TESK2: variants seen among roughly 807,000 people sequenced by gnomAD.
The protein encoded by TESK2 is testis associated actin remodelling kinase 2.
TESK2 carries 39 observed loss-of-function variants against 57.1 expected under a neutral mutation model. The observed-to-expected ratio is 0.68, with a 90% CI of 0.53 to 0.89. The LOEUF is 0.89. Ranked by LOEUF, TESK2 falls within the 40% of genes least tolerant of loss-of-function variation. TESK2 has a pLI of 0.00. For synonymous variants in TESK2, 249 were observed against 267.9 expected, an observed-to-expected ratio of 0.93 and a Z score of 0.69; for missense variants, 646 against 732.1, an observed-to-expected ratio of 0.88 and a Z score of 1.36.
chr1:45,384,980 C>A (rs1349421897), intron 4 of TESK2, among the ~76,000 whole-genome samples: 1 of 152,086 alleles, frequency 6.6e-6, no homozygotes, highest in African/African-American at 2.4e-5. Flanking sequence ...GCACATGGGA[C>A]CCTCTTTCAT....
intron 1 of TESK2, among the ~76,000 whole-genome samples, chr1:45,468,033 C>T (rs1242756590): frequency 1.3e-5 from 2 of 151,876 alleles, no homozygotes; most frequent in East Asian, 3.9e-4. Context: ...AAAATTAGCC[C>T]GGCATGGTGG....
At chr1:45,485,114 G>T (rs1480625212) in intron 1 of TESK2, among the ~76,000 whole-genome samples, 1 of 152,046 alleles carries the variant, frequency 6.6e-6, no homozygotes, top group East Asian at 1.9e-4. Context: ...ACTATTCAAA[G>T]TGTTTGGGAG....
rs187052582 is a variant in TESK2 at position 45,344,844 on chromosome 1, C to A, written c.1712G>T (p.Gly571Val). Reference protein sequence around the residue: ...IGLQTQGKQDG With the variant: ...IGLQTQGKQDV ...TGAGGCAGGGACTAAACCCCCTCAC[C>A]CATCCTGCTTTCCCTGGGTTTGCAG... The change falls in exon 11 of 11, where the codon GGG becomes GTG. Residue 571 changes from glycine (G) to valine (V), a missense_variant. By Grantham distance (109) the Gly-to-Val change is moderately radical (BLOSUM62 -3). Coordinates refer to ENST00000372086, the MANE Select transcript of TESK2 (RefSeq NM_007170.3). 4.0e-5 allele frequency: 64 copies of A among 1,611,832 alleles called. No homozygotes were observed. In the East Asian group the frequency reaches 1.4e-3, roughly 35 times the overall value.
At chr1:45,462,439 AT>A (rs1271718581) in intron 1 of TESK2, among the ~76,000 whole-genome samples, 1 of 151,876 alleles carries the variant, frequency 6.6e-6, no homozygotes, top group Non-Finnish European at 1.5e-5. Context: ...CACCCGGCTA[AT>A]TTTTTGTATT....
chr1:45,352,459 G>A (rs1474847076), intron 5 of TESK2, among the ~76,000 whole-genome samples: 3 of 152,094 alleles, frequency 2.0e-5, no homozygotes, highest in Non-Finnish European at 4.4e-5. Flanking sequence ...AACCACACTT[G>A]GACACTAGCA....
chr1:45,445,888 G>C (rs1341206406), intron 2 of TESK2, among the ~76,000 whole-genome samples: 1 of 152,052 alleles, frequency 6.6e-6, no homozygotes, highest in Non-Finnish European at 1.5e-5. Context: ...AATCTGAAAA[G>C]TATATAACAA....
At chr1:45,470,377 G>A (rs570088972) in intron 1 of TESK2, among the ~76,000 whole-genome samples, 1 of 152,308 alleles carries the variant, frequency 6.6e-6, no homozygotes, top group South Asian at 2.1e-4. Flanking sequence ...GTTTCAGGAT[G>A]ACTATCTAAT....
At chr1:45,472,695 G>C (rs1023476194) in intron 1 of TESK2, among the ~76,000 whole-genome samples, 1 of 152,040 alleles carries the variant, frequency 6.6e-6, no homozygotes, top group African/African-American at 2.4e-5. Context: ...TCACCTAAAG[G>C]ATATGATGTG....
At chr1:45,464,964 C>T (rs950486625) in intron 1 of TESK2, among the ~76,000 whole-genome samples, 6 of 152,038 alleles carry the variant, frequency 3.9e-5, no homozygotes, top group Non-Finnish European at 5.9e-5. Flanking sequence ...AGGCCAGACA[C>T]GGTGGCTCAC....
chr1:45,345,016 C>T lies in TESK2; in HGVS notation c.1540G>A (p.Asp514Asn). ...TTTTCTTCCTGGAGAATGGAGCAGT[C>T]CATAGCCTCATGGGCTTGAGCAGCT... is the stretch of plus-strand genomic sequence containing the variant. ...LPAAQAHEAM[D>N]CSILQEENGF... Residue 514 changes from aspartate to asparagine, a missense_variant, in exon 11 of 11, where the codon GAC becomes AAC. Asp to Asn is a conservative substitution (Grantham distance 23). Coordinates refer to ENST00000372086, the MANE Select transcript of TESK2 (RefSeq NM_007170.3). The T allele has an allele frequency of 1.9e-6, 3 of 1,614,244 alleles. No individual in the cohort carries two copies. Among genetic ancestry groups the T allele is most frequent in the Non-Finnish European group, 2.5e-6 (3 of 1,180,052 alleles).
intron 2 of TESK2, among the ~76,000 whole-genome samples, chr1:45,438,650 G>A (rs1031364041): frequency 7.9e-5 from 12 of 152,106 alleles, no homozygotes; most frequent in African/African-American, 2.7e-4. Flanking sequence ...TAGGTATTAA[G>A]CCTAGTACCC....
chr1:45,489,823 T>A (rs1653644665), intron 1 of TESK2, among the ~76,000 whole-genome samples: 1 of 152,100 alleles, frequency 6.6e-6, no homozygotes, highest in South Asian at 2.1e-4. Flanking sequence ...ACCCTGAAAC[T>A]TAACTTGTTC....
At chr1:45,452,119 TG>T (rs1340149811) in intron 2 of TESK2, among the ~76,000 whole-genome samples, 1 of 152,062 alleles carries the variant, frequency 6.6e-6, no homozygotes, top group African/African-American at 2.4e-5. Flanking sequence ...CAAACTCTTT[TG>T]AAAATATAAG....
chr1:45,414,992 G>A (rs1417899181), intron 3 of TESK2: 3 of 735,050 alleles, frequency 4.1e-6, no homozygotes, highest in Non-Finnish European at 6.9e-6. Context: ...GGACACTGCT[G>A]CCACCGCCAG....
At chr1:45,405,263 T>C (rs900041100) in intron 3 of TESK2, among the ~76,000 whole-genome samples, 6 of 152,184 alleles carry the variant, frequency 3.9e-5, no homozygotes, top group Non-Finnish European at 8.8e-5. Context: ...TGATATCTCC[T>C]GATCTCCCAT....
At chr1:45,394,402 T>C (rs1257210369) in intron 3 of TESK2, among the ~76,000 whole-genome samples, 1 of 150,022 alleles carries the variant, frequency 6.7e-6, no homozygotes, top group African/African-American at 2.5e-5. Context: ...TGGCCTCAAG[T>C]GATCTTCCTG....
intron 3 of TESK2, among the ~76,000 whole-genome samples, chr1:45,413,328 A>C (rs1033209051): frequency 6.6e-6 from 1 of 152,136 alleles, no homozygotes; most frequent in South Asian, 2.1e-4. Flanking sequence ...TTTCCTCCCA[A>C]ATAGAAATCT....
chr1:45,427,609 C>A (rs1176766663), intron 2 of TESK2, among the ~76,000 whole-genome samples: 1 of 152,146 alleles, frequency 6.6e-6, no homozygotes, highest in Non-Finnish European at 1.5e-5. Context: ...TCATTTGCAA[C>A]AACATGGGTG....
chr1:45,348,211 G>A (rs1647174785), intron 5 of TESK2, among the ~76,000 whole-genome samples: 1 of 152,136 alleles, frequency 6.6e-6, no homozygotes, highest in African/African-American at 2.4e-5. Context: ...GCTGTCCTAG[G>A]ATACACTTCA....
Sources: gnomAD v4.1 joint callset for allele counts (sites outside exome capture counted in the v4.1 genomes callset) on GRCh38, gnomAD v4.1.1 for gene constraint, MANE v1.5 for transcripts, NCBI Gene and HGNC (gene_info 2026-07-23, HGNC 2026-07-21) for gene names.